GALNT13: variants seen among roughly 807,000 people sequenced by gnomAD.
GALNT13 encodes the protein UDP-GalNAc:polypeptide N-acetylgalactosaminyltransferase 13.
A neutral mutation model predicts 64.2 loss-of-function variants in GALNT13; 28 were observed. That is an observed-to-expected ratio of 0.44 (90% CI 0.32 to 0.60). The LOEUF (loss-of-function observed/expected upper bound fraction) is 0.60, where lower values mean the gene tolerates loss of function less well. GALNT13 is among the 20% of genes least tolerant of loss of function. The pLI is 0.05. For synonymous variants in GALNT13, 214 were observed against 224.6 expected, an observed-to-expected ratio of 0.95 and a Z score of 0.42; for missense variants, 577 against 669.8, an observed-to-expected ratio of 0.86 and a Z score of 1.53.
the GALNT13 span, among the ~76,000 whole-genome samples, chr2:153,860,769 T>C: frequency 2.0e-5 from 3 of 152,190 alleles, no homozygotes; most frequent in African/African-American, 7.2e-5. Context: ...ATGACCAACG[T>C]GACAAAAGTC....
chr2:153,585,166 A>G, the GALNT13 span, among the ~76,000 whole-genome samples: 1 of 152,170 alleles, frequency 6.6e-6, no homozygotes, highest in Non-Finnish European at 1.5e-5. Flanking sequence ...AACCAATACA[A>G]AGAACTCAGA....
Position 154,261,795 on chromosome 2 carries a change from G to A in GALNT13, c.975+2657G>A, listed in dbSNP as rs1237053923. The stretch of plus-strand genomic sequence containing the variant: ...GTGTGAGGTTTTTTGTCTCTGTCAT[G>A]TGAGTATAGGTGAACATAAACTCAA... On this transcript the variant is annotated intron_variant, in intron 8 of 12. Coordinates refer to ENST00000392825, the MANE Select transcript of GALNT13 (RefSeq NM_052917.4). Among the ~76,000 whole-genome samples, 7 of 152,064 alleles carry A rather than the reference G, an allele frequency of 4.6e-5. No homozygotes were observed. The South Asian group carries it at 1.0e-3, about 23-fold the overall frequency.
At chr2:153,740,637 T>C in the GALNT13 span, among the ~76,000 whole-genome samples, 1 of 152,260 alleles carries the variant, frequency 6.6e-6, no homozygotes, top group East Asian at 1.9e-4. Flanking sequence ...GTTTTGTTTG[T>C]CTGTTTCCTT....
At chr2:153,362,545 A>T in the GALNT13 span, among the ~76,000 whole-genome samples, 1 of 108,732 alleles carries the variant, frequency 9.2e-6, no homozygotes, top group African/African-American at 3.6e-5. Context: ...TACCAAGCAA[A>T]TGGAGAGCAA....
the GALNT13 span, among the ~76,000 whole-genome samples, chr2:153,498,617 G>A: frequency 1.3e-5 from 2 of 152,198 alleles, no homozygotes; most frequent in Non-Finnish European, 2.9e-5. Context: ...ACCCACATCT[G>A]GACAAGGGGA....
At chr2:154,387,575 C>T (rs1574213782) in intron 9 of GALNT13, among the ~76,000 whole-genome samples, 1 of 152,074 alleles carries the variant, frequency 6.6e-6, no homozygotes, top group Non-Finnish European at 1.5e-5. Context: ...CTCCTCATTC[C>T]TCCCTCCTCA....
At chr2:154,441,129 A>G (rs1158085318) in intron 12 of GALNT13, among the ~76,000 whole-genome samples, 1 of 152,118 alleles carries the variant, frequency 6.6e-6, no homozygotes, top group African/African-American at 2.4e-5. Flanking sequence ...TACATTTGAA[A>G]AGGACAGGGT....
At chr2:153,190,460 T>C in the GALNT13 span, among the ~76,000 whole-genome samples, 1 of 152,114 alleles carries the variant, frequency 6.6e-6, no homozygotes, top group African/African-American at 2.4e-5. Context: ...TGTATACCAA[T>C]ACCATGTTGT....
At chr2:153,376,536 T>G in the GALNT13 span, among the ~76,000 whole-genome samples, 17 of 152,262 alleles carry the variant, frequency 1.1e-4, no homozygotes, top group African/African-American at 3.9e-4. Flanking sequence ...TGAACTTTGT[T>G]ATATGAATAA....
the GALNT13 span, among the ~76,000 whole-genome samples, chr2:153,315,060 AAAAGT>A: frequency 2.5e-4 from 38 of 152,314 alleles, no homozygotes; most frequent in Middle Eastern, 3.4e-3. Flanking sequence ...TAATGATAAG[AAAAGT>A]AGAGAGAATA....
the GALNT13 span, among the ~76,000 whole-genome samples, chr2:153,733,304 A>G: frequency 6.6e-6 from 1 of 152,178 alleles, no homozygotes; most frequent in African/African-American, 2.4e-5. Flanking sequence ...TAGATTAGAA[A>G]ATGGAAAAAA....
At chr2:153,762,858 A>G in the GALNT13 span, among the ~76,000 whole-genome samples, 1 of 150,880 alleles carries the variant, frequency 6.6e-6, no homozygotes, top group Admixed American at 6.6e-5. Context: ...TTGTGACTTA[A>G]TGGTTGTCTG....
intron 3 of GALNT13, among the ~76,000 whole-genome samples, chr2:154,014,205 G>A (rs1696839803): frequency 6.6e-6 from 1 of 152,266 alleles, no homozygotes; most frequent in Admixed American, 6.5e-5. Flanking sequence ...CCATTCCCCC[G>A]ACAAACCTTC....
chr2:153,173,577 T>C, the GALNT13 span, among the ~76,000 whole-genome samples: 3 of 151,748 alleles, frequency 2.0e-5, no homozygotes, highest in African/African-American at 7.3e-5. Context: ...AATTTCCAAA[T>C]AAGGTTACAT....
intron 2 of GALNT13, among the ~76,000 whole-genome samples, chr2:153,913,514 C>G (rs1182614036): frequency 6.6e-6 from 1 of 152,170 alleles, no homozygotes; most frequent in Non-Finnish European, 1.5e-5. Context: ...CCATGCTCCG[C>G]TACAGACACT....
chr2:154,055,505 G>T (rs1296008548), intron 3 of GALNT13, among the ~76,000 whole-genome samples: 2 of 152,026 alleles, frequency 1.3e-5, no homozygotes, highest in Non-Finnish European at 2.9e-5. Flanking sequence ...ACTGTTAAAG[G>T]TAAGCAGGTA....
the GALNT13 span, among the ~76,000 whole-genome samples, chr2:153,414,995 T>TC: frequency 6.6e-6 from 1 of 150,764 alleles, no homozygotes; most frequent in Non-Finnish European, 1.5e-5. Context: ...TGCTTTGCTC[T>TC]CCCAGGTAGT....
chr2:153,704,494 T>C, the GALNT13 span, among the ~76,000 whole-genome samples: 1 of 152,202 alleles, frequency 6.6e-6, no homozygotes, highest in African/African-American at 2.4e-5. Context: ...ATAATATACT[T>C]CTCTCTCAAT....
the GALNT13 span, among the ~76,000 whole-genome samples, chr2:153,355,145 G>A: frequency 2.0e-5 from 3 of 152,088 alleles, no homozygotes; most frequent in African/African-American, 7.2e-5. Flanking sequence ...TGATTTTTTC[G>A]TGAGGAGTGT....
Sources: allele counts gnomAD v4.1 joint callset (sites outside exome capture counted in the v4.1 genomes callset), GRCh38; gene constraint gnomAD v4.1.1; transcripts MANE v1.5; gene names NCBI Gene and HGNC (gene_info 2026-07-23, HGNC 2026-07-21).